Variants in CDH13 observed in about 807,000 individuals in gnomAD.
The protein encoded by CDH13 is cadherin-13.
CDH13 carries 24 observed loss-of-function variants against 63.8 expected under a neutral mutation model. The observed-to-expected ratio is 0.38, with a 90% confidence interval of 0.27 to 0.53. The LOEUF is 0.53. Among genes scored for constraint, CDH13 ranks in the 20% least tolerant of loss-of-function variants. CDH13 has a pLI of 0.85. For missense variants in CDH13, 1,049 were observed against 903.1 expected, an observed-to-expected ratio of 1.16 and a Z score of -2.07; for synonymous variants, 503 against 355.3, an observed-to-expected ratio of 1.42 and a Z score of -4.67.
At chr16:83,616,905 A>G (rs1035533) in intron 8 of CDH13, among the ~76,000 whole-genome samples, 27,983 of 152,140 alleles carry the variant, frequency 0.18, 2,799 homozygotes, top group African/African-American at 0.24. Context: ...AAGCTTTGGC[A>G]TGTCTTTGTG....
At chr16:82,774,459 A>G (rs2035401617) in intron 1 of CDH13, among the ~76,000 whole-genome samples, 1 of 152,168 alleles carries the variant, frequency 6.6e-6, no homozygotes, top group African/African-American at 2.4e-5. Flanking sequence ...TATACATAAC[A>G]TAGAGGAAGC....
At chr16:83,757,555 G>A (rs1913616107) in intron 11 of CDH13, among the ~76,000 whole-genome samples, 1 of 152,158 alleles carries the variant, frequency 6.6e-6, no homozygotes, top group Non-Finnish European at 1.5e-5. Flanking sequence ...CCCAGCCTGG[G>A]TGACAGAGCG....
At chr16:82,909,083 T>C (rs7187633) in intron 2 of CDH13, among the ~76,000 whole-genome samples, 64,016 of 152,088 alleles carry the variant, frequency 0.42, 14,239 homozygotes, top group Non-Finnish European at 0.49. Context: ...AGATTACTTA[T>C]GATATGTAAT....
At chr16:83,000,703 C>T (rs533583192) in intron 2 of CDH13, among the ~76,000 whole-genome samples, 6 of 150,920 alleles carry the variant, frequency 4.0e-5, no homozygotes, top group Non-Finnish European at 8.9e-5. Flanking sequence ...CCTCAGCTTC[C>T]CAGGTAGCTG....
chr16:83,314,671 G>A (rs1018857519), intron 5 of CDH13, among the ~76,000 whole-genome samples: 10 of 152,122 alleles, frequency 6.6e-5, no homozygotes, highest in South Asian at 4.1e-4. Flanking sequence ...AGAAAATGGC[G>A]GTGTTGGACT....
chr16:83,765,781 C>CATT (rs1914338519), intron 11 of CDH13, among the ~76,000 whole-genome samples: 1 of 148,102 alleles, frequency 6.8e-6, no homozygotes, highest in Non-Finnish European at 1.5e-5. Flanking sequence ...TTACAGCTTT[C>CATT]TTTTTTTTTT....
At chr16:83,061,341 G>A (rs1032522132) in intron 3 of CDH13, among the ~76,000 whole-genome samples, 1 of 151,756 alleles carries the variant, frequency 6.6e-6, no homozygotes, top group African/African-American at 2.4e-5. Context: ...GTCCGGATGA[G>A]TGGATTTTTT....
intron 4 of CDH13, among the ~76,000 whole-genome samples, chr16:83,132,504 T>C (rs2036101870): frequency 7.7e-6 from 1 of 129,308 alleles, no homozygotes; most frequent in African/African-American, 2.9e-5. Flanking sequence ...CTGGAGTGCA[T>C]TGGTGCAATC....
At chr16:83,561,028 TC>T (rs1465234953) in intron 7 of CDH13, among the ~76,000 whole-genome samples, 2 of 151,900 alleles carry the variant, frequency 1.3e-5, no homozygotes, top group Admixed American at 6.5e-5. Flanking sequence ...TGGAGGTTTT[TC>T]TTAATTATTT....
intron 8 of CDH13, among the ~76,000 whole-genome samples, chr16:83,659,247 C>A (rs1404958747): frequency 2.0e-5 from 3 of 150,712 alleles, no homozygotes; most frequent in African/African-American, 4.9e-5. Flanking sequence ...CATGTCCTCA[C>A]CACCAGGTCC....
chr16:83,501,014 T>C (rs931305064), intron 7 of CDH13, among the ~76,000 whole-genome samples: 1 of 152,206 alleles, frequency 6.6e-6, no homozygotes, highest in Non-Finnish European at 1.5e-5. Flanking sequence ...TGTATTAAGG[T>C]AAGTCTTGTC....
chr16:82,729,625 G>C (rs965558538), intron 1 of CDH13, among the ~76,000 whole-genome samples: 1 of 152,070 alleles, frequency 6.6e-6, no homozygotes, highest in Non-Finnish European at 1.5e-5. Flanking sequence ...ATTATTTAGG[G>C]CCCTAGGATT....
chr16:83,184,118 A>G (rs1232515275), intron 4 of CDH13, among the ~76,000 whole-genome samples: 3 of 147,162 alleles, frequency 2.0e-5, no homozygotes, highest in South Asian at 4.4e-4. Context: ...ACACACACAC[A>G]CACACACATA....
At chr16:82,727,485 C>G (rs1215612850) in intron 1 of CDH13, 1 of 152,134 alleles carries the variant, frequency 6.6e-6, no homozygotes, top group Non-Finnish European at 1.5e-5. Context: ...GGAGAATATT[C>G]AGGTCTATTG....
intron 3 of CDH13, among the ~76,000 whole-genome samples, chr16:83,093,857 G>C (rs555064253): frequency 6.6e-6 from 1 of 152,156 alleles, no homozygotes; most frequent in Admixed American, 6.5e-5. Flanking sequence ...TAAATTCCCA[G>C]AAAGCACTTG....
chr16:83,660,850 C>T (rs1003873698), intron 8 of CDH13, among the ~76,000 whole-genome samples: 1 of 152,058 alleles, frequency 6.6e-6, no homozygotes, highest in Admixed American at 6.6e-5. Context: ...CATTTTCTTT[C>T]ATTTTTTAAA....
chr16:82,674,900 G>T (rs573328460), intron 1 of CDH13, among the ~76,000 whole-genome samples: 7 of 152,044 alleles, frequency 4.6e-5, no homozygotes, highest in Non-Finnish European at 8.8e-5. Context: ...ATTGTCTCTG[G>T]ATTCAAAAAG....
At chr16:82,961,119 G>GGA (rs1567697142) in intron 2 of CDH13, among the ~76,000 whole-genome samples, 3 of 152,118 alleles carry the variant, frequency 2.0e-5, no homozygotes, top group African/African-American at 7.2e-5. Flanking sequence ...CTGAGCTGGC[G>GGA]CCAGCACGGA....
chr16:82,823,438 A>G (rs1424657917), intron 1 of CDH13: 1 of 152,224 alleles, frequency 6.6e-6, no homozygotes, highest in Non-Finnish European at 1.5e-5. Flanking sequence ...AAGTTGTTTC[A>G]TGAATTTGAA....
Sources: gnomAD v4.1 joint callset for allele counts (sites outside exome capture counted in the v4.1 genomes callset) on GRCh38, gnomAD v4.1.1 for gene constraint, MANE v1.5 for transcripts, NCBI Gene and HGNC (gene_info 2026-07-23, HGNC 2026-07-21) for gene names.